TPO: variants seen among roughly 807,000 people sequenced by gnomAD.
TPO encodes thyroid peroxidase, also known as thyroid microsomal antigen.
Under a neutral mutation model 96.9 loss-of-function variants are expected in TPO, and 78 were observed. That is an observed-to-expected ratio of 0.81 (90% confidence interval 0.67 to 0.97). TPO has a LOEUF of 0.97. Among genes scored for constraint, TPO ranks in the 50% least tolerant of loss-of-function variants. TPO has a pLI of 0.00. For missense variants in TPO, 1,252 were observed against 1,274.8 expected (o/e 0.98, Z 0.27); for synonymous variants, 547 against 538.0 (o/e 1.02, Z -0.23).
intron 13 of TPO, among the ~76,000 whole-genome samples, chr2:1,502,137 T>G (rs1342853119): frequency 1.3e-5 from 2 of 152,096 alleles, no homozygotes; most frequent in Non-Finnish European, 2.9e-5. Flanking sequence ...ACGATCATGA[T>G]GGAAACACTC....
At chr2:1,466,807 T>G (rs1668939715) in intron 7 of TPO, among the ~76,000 whole-genome samples, 1 of 152,196 alleles carries the variant, frequency 6.6e-6, no homozygotes, top group Non-Finnish European at 1.5e-5. Context: ...TCTATCAATT[T>G]TATTTATCTT....
At chr2:1,521,494 C>T (rs1403854148) in intron 15 of TPO, among the ~76,000 whole-genome samples, 1 of 152,116 alleles carries the variant, frequency 6.6e-6, no homozygotes, top group Non-Finnish European at 1.5e-5. Context: ...CCCAGGGACC[C>T]TCCTCCCCCA....
In TPO at chr2:1,503,988, C is replaced by T. The variant is rs774366588; in HGVS notation, c.2427C>T (p.His809=). Reference sequence around the variant, plus strand: ...CAGACGGTGCCCACCCCCCCTGCCACGCCTCTGCGAGGTGCAGAAACACCA... The same window carrying T: ...CAGACGGTGCCCACCCCCCCTGCCATGCCTCTGCGAGGTGCAGAAACACCA... ...ECADGAHPPC[H]ASARCRNTKG... Residue 809 remains histidine, a synonymous_variant, in exon 14 of 17, where the codon CAC becomes CAT. Transcript: ENST00000329066. 52 of 1,614,090 alleles carry T rather than the reference C, an allele frequency of 3.2e-5. No homozygotes were observed. The highest frequency in any genetic ancestry group is 5.0e-5 in the Admixed American group (3 of 60,012).
chr2:1,438,913 C>G, intron 5 of TPO: 1 of 709,116 alleles, frequency 1.4e-6, no homozygotes, highest in Non-Finnish European at 2.6e-6. Flanking sequence ...GAAACTGAAG[C>G]CAGTCAAAGC....
At chr2:1,530,161 C>T (rs1677747552) in intron 15 of TPO, among the ~76,000 whole-genome samples, 1 of 113,834 alleles carries the variant, frequency 8.8e-6, no homozygotes, top group Non-Finnish European at 1.7e-5. Flanking sequence ...TATGTGCAAC[C>T]TCCTCAAATC....
chr2:1,434,291 C>A (rs1213153529), intron 4 of TPO, among the ~76,000 whole-genome samples: 1 of 152,174 alleles, frequency 6.6e-6, no homozygotes, highest in Non-Finnish European at 1.5e-5. Flanking sequence ...AATTTTTTCT[C>A]TGCAGCGCCA....
At chr2:1,524,088 C>A (rs1675840544) in intron 15 of TPO, among the ~76,000 whole-genome samples, 1 of 140,410 alleles carries the variant, frequency 7.1e-6, no homozygotes, top group African/African-American at 2.7e-5. Flanking sequence ...TGTGTGCAAC[C>A]TCACCAAATT....
At chr2:1,501,411 G>A (rs372988187) in intron 13 of TPO, among the ~76,000 whole-genome samples, 4 of 152,192 alleles carry the variant, frequency 2.6e-5, no homozygotes, top group Non-Finnish European at 4.4e-5. Flanking sequence ...AGACAAGGCC[G>A]ATTTGTCCCC....
intron 5 of TPO, among the ~76,000 whole-genome samples, chr2:1,453,082 G>GAC (rs936149868): frequency 2.6e-5 from 4 of 152,244 alleles, no homozygotes; most frequent in African/African-American, 9.6e-5. Flanking sequence ...AAATACAACT[G>GAC]ACTCTCTCTC....
chr2:1,524,104 C>G (rs573989647), intron 15 of TPO, among the ~76,000 whole-genome samples: 87 of 139,578 alleles, frequency 6.2e-4, no homozygotes, highest in Middle Eastern at 4.1e-3. Context: ...AAATTCCCCC[C>G]ACTCCGTGCA....
chr2:1,441,893 G>C (rs955024481), intron 5 of TPO, among the ~76,000 whole-genome samples: 119 of 152,188 alleles, frequency 7.8e-4, no homozygotes, highest in African/African-American at 2.8e-3. Context: ...GATATAGTTG[G>C]CTGTGTCCCC....
At chr2:1,450,183 G>A (rs542315733) in intron 5 of TPO, among the ~76,000 whole-genome samples, 3 of 152,286 alleles carry the variant, frequency 2.0e-5, no homozygotes, top group Non-Finnish European at 2.9e-5. Flanking sequence ...TTTCATGGGC[G>A]GCACACATCT....
At chr2:1,428,725 G>A (rs1378880531) in intron 3 of TPO, among the ~76,000 whole-genome samples, 2 of 152,172 alleles carry the variant, frequency 1.3e-5, no homozygotes, top group East Asian at 1.9e-4. Flanking sequence ...GAGAATTCTT[G>A]TTCTTCCTAT....
At chr2:1,453,906 T>C (rs1057029397) in intron 6 of TPO, 83 bp downstream of exon 6, 113 of 1,593,052 alleles carry the variant, frequency 7.1e-5, no homozygotes, top group Non-Finnish European at 9.4e-5. Flanking sequence ...TACTGGGTTC[T>C]TGCTCGTGCT....
chr2:1,528,626 A>G (rs1380812265), intron 15 of TPO, among the ~76,000 whole-genome samples: 6 of 142,272 alleles, frequency 4.2e-5, no homozygotes, highest in African/African-American at 1.4e-4. Flanking sequence ...AACCTCCCCA[A>G]ATCCCCCCCA....
At chr2:1,427,786 C>G (rs1664574551) in intron 3 of TPO, among the ~76,000 whole-genome samples, 1 of 152,138 alleles carries the variant, frequency 6.6e-6, no homozygotes, top group South Asian at 2.1e-4. Context: ...AAATTCATTC[C>G]CTTTTAGCAT....
At chr2:1,429,134 G>T (rs140074553) in intron 3 of TPO, among the ~76,000 whole-genome samples, 6 of 152,274 alleles carry the variant, frequency 3.9e-5, no homozygotes, top group Admixed American at 6.5e-5. Flanking sequence ...GCCCCATCCC[G>T]TTGGTGATAA....
chr2:1,433,670 G>C, intron 4 of TPO, 63 bp downstream of exon 4: 1 of 1,572,726 alleles, frequency 6.4e-7, no homozygotes, highest in Non-Finnish European at 8.6e-7. Flanking sequence ...CCTTGACTTT[G>C]TGCAGGGGCT....
intron 7 of TPO, among the ~76,000 whole-genome samples, chr2:1,474,493 G>A (rs1427384481): frequency 6.6e-6 from 1 of 152,110 alleles, no homozygotes; most frequent in Non-Finnish European, 1.5e-5. Flanking sequence ...CTTTTCCATG[G>A]CTGAAATAGT....
Sources: allele counts gnomAD v4.1 joint callset (sites outside exome capture counted in the v4.1 genomes callset), GRCh38; gene constraint gnomAD v4.1.1; transcripts MANE v1.5; gene names NCBI Gene and HGNC (gene_info 2026-07-23, HGNC 2026-07-21).